The following SCAF8 variants were observed in gnomAD, a reference collection of about 807,000 sequenced individuals.
SCAF8 encodes the protein SR-related and CTD-associated factor 8.
A neutral mutation model predicts 140.5 loss-of-function variants in SCAF8; 23 were observed. The observed-to-expected ratio is 0.16, with a 90% CI of 0.12 to 0.23. The LOEUF (loss-of-function observed/expected upper bound fraction) is 0.23. Ranked by LOEUF, SCAF8 falls within the 10% of genes least tolerant of loss-of-function variation. The pLI is 1.00. For missense variants in SCAF8, 1,397 were observed against 1,555.7 expected, an observed-to-expected ratio of 0.90 and a Z score of 1.72; for synonymous variants, 575 against 528.9, an observed-to-expected ratio of 1.09 and a Z score of -1.20.
chr6:154,790,849 T>C (rs542895799), intron 4 of SCAF8, among the ~76,000 whole-genome samples: 5 of 152,246 alleles, frequency 3.3e-5, no homozygotes, highest in Admixed American at 1.3e-4. Context: ...TCTTTTTTTT[T>C]CCTAATGGAA....
At chr6:154,812,243 C>T (rs1583058130) in intron 12 of SCAF8, among the ~76,000 whole-genome samples, 1 of 89,114 alleles carries the variant, frequency 1.1e-5, no homozygotes, top group African/African-American at 4.4e-5. Flanking sequence ...GAGTACCTCT[C>T]TTGGCACTAT....
chr6:154,792,920 C>T lies in SCAF8; in HGVS notation c.419C>T (p.Pro140Leu). 1 of 1,613,864 alleles carries T rather than the reference C, an allele frequency of 6.2e-7. No individual in the cohort carries two copies. Among genetic ancestry groups the T allele is most frequent in the African/African-American group, 1.3e-5 (1 of 75,018 alleles). Reference sequence around the variant, plus strand: ...TTGGATATGGCAGCCGGGATTCCGCCTCCAGTTGTCACACCTGTTTTGGCC... The same window carrying T: ...TTGGATATGGCAGCCGGGATTCCGCTTCCAGTTGTCACACCTGTTTTGGCC... The part of the protein sequence containing the change: ...PLLDMAAGIP[P>L]PVVTPVLAST... The change falls in exon 5 of 20, where the codon CCT (proline) becomes CTT (leucine). Residue 140 changes from proline (P) to leucine (L), a missense_variant. Physicochemically the swap from Pro to Leu is moderately conservative, Grantham distance 98. Transcript: ENST00000367178.
At chr6:154,770,901 C>T (rs986358824) in intron 1 of SCAF8, among the ~76,000 whole-genome samples, 2 of 152,120 alleles carry the variant, frequency 1.3e-5, no homozygotes, top group Admixed American at 6.5e-5. Context: ...TTTACCACTA[C>T]ACCTGGGTAA....
chr6:154,827,836 G>GC (rs1490415624), intron 18 of SCAF8, among the ~76,000 whole-genome samples: 2 of 100,408 alleles, frequency 2.0e-5, no homozygotes, highest in Non-Finnish European at 2.2e-5. Flanking sequence ...GGGCGGGGCG[G>GC]GGGGGGGGGC....
At chr6:154,770,388 A>T (rs866845689) in intron 1 of SCAF8, among the ~76,000 whole-genome samples, 3,153 of 141,842 alleles carry the variant, frequency 0.022, 63 homozygotes, top group Admixed American at 0.067. Flanking sequence ...ACACACACAC[A>T]CTCTCTCTCT....
intron 1 of SCAF8, among the ~76,000 whole-genome samples, chr6:154,745,272 T>G (rs1269129891): frequency 6.6e-6 from 1 of 152,220 alleles, no homozygotes; most frequent in African/African-American, 2.4e-5. Context: ...TCTATATTTT[T>G]GGCAGAAACA....
At chr6:154,787,071 G>A (rs2114868747) in intron 3 of SCAF8, among the ~76,000 whole-genome samples, 1 of 152,324 alleles carries the variant, frequency 6.6e-6, no homozygotes, top group Non-Finnish European at 1.5e-5. Flanking sequence ...GAAAGTAGGG[G>A]AGGCAGGGCA....
intron 2 of SCAF8, 62 bp from the exon 3 acceptor site, chr6:154,777,936 TAGC>T: frequency 4.1e-6 from 4 of 975,566 alleles, no homozygotes; most frequent in South Asian, 1.4e-5. Context: ...AACCTATGGT[TAGC>T]AGGAAATTTC....
chr6:154,779,229 T>A (rs759344744), intron 3 of SCAF8, among the ~76,000 whole-genome samples: 1 of 151,986 alleles, frequency 6.6e-6, no homozygotes, highest in African/African-American at 2.4e-5. Flanking sequence ...GAGATGGGGG[T>A]TTCACCATGT....
intron 1 of SCAF8, among the ~76,000 whole-genome samples, chr6:154,755,669 A>G (rs571723277): frequency 1.1e-4 from 16 of 152,316 alleles, no homozygotes; most frequent in South Asian, 6.2e-4. Context: ...GAGACTTTAC[A>G]TAAGATTATT....
rs1777547481 is a variant in SCAF8 at position 154,794,785 on chromosome 6, GT to G, written c.476-223del. Among the ~76,000 whole-genome samples, 6 of 21,874 alleles carry G rather than the reference GT, an allele frequency of 2.7e-4. 1 individual carries two copies. The highest frequency in any genetic ancestry group is 1.1e-3 in the African/African-American group (3 of 2,668). 14.4% of individuals were successfully genotyped at this position (21,874 alleles called of 152,430 possible). A position where few individuals can be genotyped will look rare whatever the true frequency, so the allele number is the denominator to read the frequency against. ...GGGGGGGGGGGGGTGTGGGGGGTGT[GT>G]GTGTGTGTGTGTGTGTGTGTGTGTG... On this transcript the variant is annotated intron_variant, in intron 5 of 19. Transcript: ENST00000367178.
rs1777996193 is a variant in SCAF8, at chr6:154,808,636, T to G, written c.1114-50T>G. The G allele has an allele frequency of 6.1e-6, 7 of 1,146,500 alleles. No homozygotes were observed. The East Asian group carries it at 1.8e-4, about 29-fold the overall frequency. The allele number at this position is 1,146,500 out of a possible 1,614,324, so 71.0% of individuals were successfully genotyped here. A position where few individuals can be genotyped will look rare whatever the true frequency, so the allele number is the denominator to read the frequency against. On this transcript the variant is annotated intron_variant, in intron 10 of 19. Coordinates refer to ENST00000367178, the MANE Select transcript of SCAF8 (RefSeq NM_014892.5). ...AAAAACAGAATTGTCAATGTATAAC[T>G]CTGTCTCAACCAGCCTTTCTGTTTG...
At position 154,802,037 on chromosome 6, in the gene SCAF8, C is replaced by G; in HGVS notation, c.673C>G (p.Leu225Val). Reference sequence around the variant, plus strand: ...GCCCCAGCCTTCCATTCTGCAGGCCCTAGATGCTGGTCTTGTTGTTCAGTT... The same window carrying G: ...GCCCCAGCCTTCCATTCTGCAGGCCGTAGATGCTGGTCTTGTTGTTCAGTT... ...QKPQPSILQA[L>V]DAGLVVQLQA... The change falls in exon 7 of 20, where the codon CTA becomes GTA. Residue 225 changes from leucine (L) to valine (V), a missense_variant. Physicochemically the swap from Leu to Val is conservative, Grantham distance 32 (BLOSUM62 1). Coordinates refer to ENST00000367178, the MANE Select transcript of SCAF8 (RefSeq NM_014892.5). 1 of 1,612,912 alleles carries G rather than the reference C, an allele frequency of 6.2e-7. No individual in the cohort carries two copies. The highest frequency in any genetic ancestry group is 8.5e-7 in the Non-Finnish European group (1 of 1,179,312).
intron 1 of SCAF8, among the ~76,000 whole-genome samples, chr6:154,770,464 G>C (rs1008729457): frequency 1.3e-5 from 2 of 151,660 alleles, no homozygotes; most frequent in African/African-American, 2.4e-5. Flanking sequence ...CCAGCTACTT[G>C]AGAGGTTGAG....
Position 154,801,178 on chromosome 6 carries a change from A to G in SCAF8, c.607-793A>G, listed in dbSNP as rs752823205. On this transcript the variant is annotated intron_variant, in intron 6 of 19. Transcript: ENST00000367178. Reference sequence around the variant, plus strand: ...GTTTAGTTGATAGTGAAGTGACTCTAGTTTGTTTCCTAGTGTTACTGTTTT... The same window carrying G: ...GTTTAGTTGATAGTGAAGTGACTCTGGTTTGTTTCCTAGTGTTACTGTTTT... Among the ~76,000 whole-genome samples the G allele has an allele frequency of 6.9e-4, 104 of 151,624 alleles. 4 individuals carry two copies. Among genetic ancestry groups the G allele is most frequent in the Non-Finnish European group, 6.8e-4 (46 of 67,756 alleles).
chr6:154,768,134 T>C (rs1776635508), intron 1 of SCAF8, among the ~76,000 whole-genome samples: 1 of 152,220 alleles, frequency 6.6e-6, no homozygotes, highest in Non-Finnish European at 1.5e-5. Flanking sequence ...ATGAATTTCC[T>C]TTTCTTTTTT....
intron 1 of SCAF8, among the ~76,000 whole-genome samples, chr6:154,742,530 G>A (rs1242443394): frequency 6.6e-6 from 1 of 152,160 alleles, no homozygotes; most frequent in Non-Finnish European, 1.5e-5. Flanking sequence ...TATAGTTTGT[G>A]ATTTCGTACC....
At chr6:154,797,911 T>C (rs1480521502) in intron 6 of SCAF8, among the ~76,000 whole-genome samples, 2 of 151,502 alleles carry the variant, frequency 1.3e-5, no homozygotes, top group African/African-American at 4.8e-5. Context: ...CCCTTTTACT[T>C]TATCATCTAC....
intron 11 of SCAF8, 56 bp from the exon 12 acceptor site, chr6:154,809,959 C>T (rs1467514460): frequency 7.2e-7 from 1 of 1,385,394 alleles, no homozygotes; most frequent in African/African-American, 1.5e-5. Context: ...TTAGAAGTGA[C>T]AGATTTGGTA....
Sources: gnomAD v4.1 joint callset for allele counts (sites outside exome capture counted in the v4.1 genomes callset) on GRCh38, gnomAD v4.1.1 for gene constraint, MANE v1.5 for transcripts, NCBI Gene and HGNC (gene_info 2026-07-23, HGNC 2026-07-21) for gene names.